Variants in KCNK2 observed in about 807,000 individuals in gnomAD.
KCNK2 encodes the protein potassium two pore domain channel subfamily K member 2.
KCNK2 carries 21 observed loss-of-function variants against 40.5 expected under a neutral mutation model. The ratio of observed to expected loss-of-function variants is 0.52; its 90% CI spans 0.37 to 0.75. The LOEUF (loss-of-function observed/expected upper bound fraction) is 0.75. Ranked by LOEUF, KCNK2 falls within the 30% of genes least tolerant of loss-of-function variation. KCNK2 has a pLI of 0.00. For synonymous variants in KCNK2, 191 were observed against 202.2 expected (o/e 0.94, Z 0.47); for missense variants, 399 against 531.6 (o/e 0.75, Z 2.45).
At chr1:215,086,156 A>G (rs1268094107) in intron 1 of KCNK2, among the ~76,000 whole-genome samples, 1 of 152,104 alleles carries the variant, frequency 6.6e-6, no homozygotes, top group Non-Finnish European at 1.5e-5. Flanking sequence ...TTGAACTCCA[A>G]TAGCAGCAGA....
intron 2 of KCNK2, among the ~76,000 whole-genome samples, chr1:215,086,903 C>G (rs1050775367): frequency 1.3e-5 from 2 of 152,280 alleles, no homozygotes; most frequent in Non-Finnish European, 2.9e-5. Context: ...TCTTTTAGTT[C>G]TCTCTCCCAG....
At chr1:215,102,532 A>C in intron 2 of KCNK2, among the ~76,000 whole-genome samples, 1 of 152,022 alleles carries the variant, frequency 6.6e-6, no homozygotes, top group East Asian at 1.9e-4. Context: ...TTATTGAAGA[A>C]AGGAAAGTAT....
At chr1:215,170,953 C>T (rs991305181) in intron 4 of KCNK2, among the ~76,000 whole-genome samples, 1 of 152,058 alleles carries the variant, frequency 6.6e-6, no homozygotes, top group Non-Finnish European at 1.5e-5. Flanking sequence ...GTACCAAGCA[C>T]TATTGTATAA....
At chr1:215,045,866 T>A (rs1282381084) in intron 1 of KCNK2, among the ~76,000 whole-genome samples, 1 of 152,188 alleles carries the variant, frequency 6.6e-6, no homozygotes, top group East Asian at 1.9e-4. Flanking sequence ...TATGAATGTG[T>A]CCCTTGATGC....
intron 1 of KCNK2, among the ~76,000 whole-genome samples, chr1:215,015,889 G>A (rs1209530344): frequency 6.6e-6 from 1 of 152,178 alleles, no homozygotes; most frequent in Admixed American, 6.5e-5. Context: ...CAGAGATCAT[G>A]AGCTTGGTCT....
intron 6 of KCNK2, among the ~76,000 whole-genome samples, chr1:215,197,419 T>C (rs1538546): frequency 0.85 from 129,928 of 152,082 alleles, 57,152 homozygotes; most frequent in East Asian, 0.98. Flanking sequence ...CCACTGTGTC[T>C]TCATATGGCC....
intron 2 of KCNK2, among the ~76,000 whole-genome samples, chr1:215,121,392 C>T (rs1402866303): frequency 6.6e-6 from 1 of 152,104 alleles, no homozygotes; most frequent in Non-Finnish European, 1.5e-5. Flanking sequence ...AGCAATTCTC[C>T]CACCTCAGCC....
intron 1 of KCNK2, among the ~76,000 whole-genome samples, chr1:215,028,215 C>T (rs1377417341): frequency 2.0e-5 from 3 of 151,842 alleles, no homozygotes; most frequent in Non-Finnish European, 4.4e-5. Flanking sequence ...GGTGAAACCC[C>T]GTCTCTACTA....
chr1:215,209,870 A>G (rs1322781864), intron 6 of KCNK2, among the ~76,000 whole-genome samples: 5 of 71,742 alleles, frequency 7.0e-5, no homozygotes, highest in Non-Finnish European at 1.3e-4. Context: ...TATATAAAAT[A>G]TGTACATATT....
chr1:215,024,180 A>G (rs1434232861), intron 1 of KCNK2, among the ~76,000 whole-genome samples: 1 of 152,206 alleles, frequency 6.6e-6, no homozygotes, highest in Non-Finnish European at 1.5e-5. Flanking sequence ...CACCCTGTGG[A>G]CTCACTGGAA....
upstream of KCNK2, among the ~76,000 whole-genome samples, chr1:215,079,218 G>T (rs1322523959): frequency 6.6e-6 from 1 of 152,100 alleles, no homozygotes; most frequent in Non-Finnish European, 1.5e-5. Context: ...TTATACTTTC[G>T]ATGGGGCTTA....
intron 6 of KCNK2, among the ~76,000 whole-genome samples, chr1:215,213,114 T>G (rs1462160031): frequency 6.6e-6 from 1 of 152,188 alleles, no homozygotes; most frequent in African/African-American, 2.4e-5. Flanking sequence ...GCTATCCAAA[T>G]GGAAATGTTT....
intron 5 of KCNK2, among the ~76,000 whole-genome samples, chr1:215,191,401 A>G (rs1664660254): frequency 1.3e-5 from 2 of 152,048 alleles, no homozygotes; most frequent in Non-Finnish European, 2.9e-5. Context: ...TGCTGGGTAG[A>G]GGGACTGTTT....
At chr1:215,162,282 G>T (rs954966170) in intron 3 of KCNK2, among the ~76,000 whole-genome samples, 1 of 151,966 alleles carries the variant, frequency 6.6e-6, no homozygotes, top group Non-Finnish European at 1.5e-5. Context: ...TTTTTTTCTT[G>T]TAAATTTGTT....
intron 2 of KCNK2, among the ~76,000 whole-genome samples, chr1:215,105,826 A>G (rs1009359623): frequency 1.7e-4 from 26 of 152,122 alleles, no homozygotes; most frequent in Non-Finnish European, 3.1e-4. Flanking sequence ...GTTCCTACTT[A>G]TAAGTGAGAA....
chr1:215,183,674 T>A (rs995157338), intron 5 of KCNK2, among the ~76,000 whole-genome samples: 6 of 152,184 alleles, frequency 3.9e-5, no homozygotes, highest in Admixed American at 1.3e-4. Context: ...CTACCATAAA[T>A]CTAAACCATT....
At chr1:215,179,541 T>G (rs1329180542) in intron 5 of KCNK2, among the ~76,000 whole-genome samples, 1 of 152,030 alleles carries the variant, frequency 6.6e-6, no homozygotes, top group Non-Finnish European at 1.5e-5. Flanking sequence ...CTGCTTTTGC[T>G]GTATATTGTA....
At chr1:215,217,860 T>C (rs1336498454) in intron 6 of KCNK2, among the ~76,000 whole-genome samples, 1 of 152,198 alleles carries the variant, frequency 6.6e-6, no homozygotes, top group Non-Finnish European at 1.5e-5. Context: ...TAAAGTTCTG[T>C]TGGGCAGCCA....
intron 1 of KCNK2, chr1:215,083,656 C>T (rs947994306): frequency 1.3e-5 from 8 of 602,390 alleles, no homozygotes; most frequent in Non-Finnish European, 1.2e-5. Context: ...GTTTTTGCAT[C>T]TGCCTGAGGT....
Sources: allele counts gnomAD v4.1 joint callset (sites outside exome capture counted in the v4.1 genomes callset), GRCh38; gene constraint gnomAD v4.1.1; transcripts MANE v1.5; gene names NCBI Gene and HGNC (gene_info 2026-07-23, HGNC 2026-07-21).